DCC: variants seen among roughly 807,000 people sequenced by gnomAD.
DCC encodes DCC netrin 1 receptor.
In DCC, 58 loss-of-function variants were observed where a neutral mutation model predicts 172.5. The ratio of observed to expected loss-of-function variants is 0.34; its 90% CI spans 0.27 to 0.42. The LOEUF (loss-of-function observed/expected upper bound fraction) is 0.42. Ranked by LOEUF, DCC falls within the 10% of genes least tolerant of loss-of-function variation. The pLI is 1.00. For missense variants in DCC, 1,740 were observed against 1,791.0 expected, an observed-to-expected ratio of 0.97 and a Z score of 0.51; for synonymous variants, 709 against 644.5, an observed-to-expected ratio of 1.10 and a Z score of -1.52.
intron 2 of DCC, among the ~76,000 whole-genome samples, chr18:52,765,754 G>T (rs562850254): frequency 6.6e-6 from 1 of 152,254 alleles, no homozygotes. Context: ...AGTTGTGTGG[G>T]GTAACACGGT....
At chr18:53,022,363 T>A (rs917116056) in intron 5 of DCC, among the ~76,000 whole-genome samples, 7 of 152,102 alleles carry the variant, frequency 4.6e-5, no homozygotes, top group Non-Finnish European at 1.0e-4. Flanking sequence ...GTGTCACTTT[T>A]CATACCAGTA....
At chr18:52,783,093 C>G (rs979035800) in intron 2 of DCC, among the ~76,000 whole-genome samples, 1 of 151,980 alleles carries the variant, frequency 6.6e-6, no homozygotes, top group African/African-American at 2.4e-5. Context: ...CAGACCTAAA[C>G]TACCAATACT....
intron 1 of DCC, among the ~76,000 whole-genome samples, chr18:52,394,934 C>G (rs1216394157): frequency 6.6e-6 from 1 of 152,056 alleles, no homozygotes; most frequent in Admixed American, 6.6e-5. Context: ...AGATTGGCAA[C>G]TCACTTTGAG....
chr18:52,927,106 C>CATGTATAT (rs2040223131), intron 5 of DCC, among the ~76,000 whole-genome samples: 1 of 42,170 alleles, frequency 2.4e-5, no homozygotes, highest in Non-Finnish European at 6.2e-5. Flanking sequence ...CGTGTATATA[C>CATGTATAT]ACGTATATAC....
At chr18:53,331,841 G>A (rs943972934) in intron 14 of DCC, among the ~76,000 whole-genome samples, 6 of 152,152 alleles carry the variant, frequency 3.9e-5, no homozygotes, top group African/African-American at 1.4e-4. Flanking sequence ...ATCAAGGAAG[G>A]GAAGAATCTT....
intron 24 of DCC, among the ~76,000 whole-genome samples, chr18:53,461,676 A>G (rs1284291700): frequency 6.6e-6 from 1 of 152,246 alleles, no homozygotes; most frequent in African/African-American, 2.4e-5. Flanking sequence ...TCAGAATTGC[A>G]TAAACAAGAA....
At chr18:52,791,394 T>C (rs916472802) in intron 2 of DCC, among the ~76,000 whole-genome samples, 3 of 152,110 alleles carry the variant, frequency 2.0e-5, no homozygotes, top group Non-Finnish European at 4.4e-5. Flanking sequence ...GGCATCTGTT[T>C]AGTCTCCTTC....
intron 4 of DCC, among the ~76,000 whole-genome samples, chr18:52,924,498 T>G (rs553550513): frequency 2.1e-4 from 32 of 152,052 alleles, no homozygotes; most frequent in Non-Finnish European, 3.5e-4. Flanking sequence ...TGGCTGGCTT[T>G]GAATTGCTGG....
intron 1 of DCC, among the ~76,000 whole-genome samples, chr18:52,404,834 C>T (rs1309435843): frequency 7.4e-6 from 1 of 135,252 alleles, no homozygotes; most frequent in African/African-American, 2.8e-5. Context: ...GACAACAGTC[C>T]CCAGAGTGTG....
At chr18:53,505,961 C>G (rs1270961097) in intron 27 of DCC, among the ~76,000 whole-genome samples, 1 of 152,162 alleles carries the variant, frequency 6.6e-6, no homozygotes, top group Non-Finnish European at 1.5e-5. Flanking sequence ...TTTTAAAAAT[C>G]AACTTACATA....
At chr18:53,221,710 G>T (rs2055934805) in intron 12 of DCC, among the ~76,000 whole-genome samples, 1 of 152,044 alleles carries the variant, frequency 6.6e-6, no homozygotes, top group Non-Finnish European at 1.5e-5. Flanking sequence ...TTTCCCTTTT[G>T]CTTCATTTAA....
At chr18:52,564,422 G>A (rs1013379564) in intron 1 of DCC, among the ~76,000 whole-genome samples, 5 of 151,988 alleles carry the variant, frequency 3.3e-5, no homozygotes, top group Admixed American at 6.6e-5. Context: ...AATAGTCATC[G>A]TGTTTTCCTC....
chr18:53,447,170 A>G (rs1014412639), intron 22 of DCC, among the ~76,000 whole-genome samples: 4 of 152,252 alleles, frequency 2.6e-5, no homozygotes, highest in South Asian at 2.1e-4. Flanking sequence ...GTAATCATTC[A>G]GTATTCACTA....
chr18:52,788,599 T>C (rs1207197909), intron 2 of DCC, among the ~76,000 whole-genome samples: 1 of 152,234 alleles, frequency 6.6e-6, no homozygotes, highest in Admixed American at 6.5e-5. Context: ...AGTGCTTATT[T>C]TTCTTTAATC....
rs764849995 is a variant in DCC at position 52,925,287 on chromosome 18, C to G, written c.902C>G (p.Thr301Arg). The change falls in exon 5 of 29, where the codon ACA (threonine) becomes AGA (arginine). Residue 301 changes from threonine (T) to arginine (R), a missense_variant. This residue lies in a region of DCC where 1,732 missense variants were observed against 1,767.4 expected (regional missense o/e 0.98). Coordinates refer to ENST00000442544, the MANE Select transcript of DCC (RefSeq NM_005215.4). ...AGCAACTTGCTTATCTCCAATGTGA[C>G]AGATGATGACAGTGGAATGTATACC... ...GGSNLLISNV[T>R]DDDSGMYTCV... 1.2e-6 allele frequency: 2 copies of G among 1,612,156 alleles called. No individual in the cohort carries two copies. The highest frequency in any genetic ancestry group is 2.2e-5 in the South Asian group (2 of 91,052).
chr18:53,201,471 C>T (rs547775745), intron 9 of DCC, among the ~76,000 whole-genome samples: 1 of 152,292 alleles, frequency 6.6e-6, no homozygotes, highest in East Asian at 1.9e-4. Flanking sequence ...TGTTCTCGTT[C>T]CTTTCTCTGC....
intron 2 of DCC, among the ~76,000 whole-genome samples, chr18:52,886,742 C>T (rs1488627743): frequency 6.6e-6 from 1 of 152,036 alleles, no homozygotes; most frequent in African/African-American, 2.4e-5. Context: ...GAAGTTAAAA[C>T]CATGCACTGT....
At chr18:53,210,980 C>G (rs2055742416) in intron 11 of DCC, among the ~76,000 whole-genome samples, 1 of 151,810 alleles carries the variant, frequency 6.6e-6, no homozygotes, top group African/African-American at 2.4e-5. Flanking sequence ...TGAGATTATA[C>G]AGCATATGAT....
intron 2 of DCC, among the ~76,000 whole-genome samples, chr18:52,845,108 C>A (rs1472547023): frequency 6.6e-6 from 1 of 152,018 alleles, no homozygotes. Context: ...CATTTCAGAT[C>A]CCTTGGGAAA....
Sources: allele counts gnomAD v4.1 joint callset (sites outside exome capture counted in the v4.1 genomes callset), GRCh38; gene constraint gnomAD v4.1.1; regional missense constraint gnomAD v4.1.1; transcripts MANE v1.5; gene names NCBI Gene and HGNC (gene_info 2026-07-23, HGNC 2026-07-21).